Variants in CSMD2 observed in about 807,000 individuals in gnomAD.
CSMD2 encodes CUB and Sushi multiple domains 2.
In CSMD2, 130 loss-of-function variants were observed where a neutral mutation model predicts 398.5. The ratio of observed to expected loss-of-function variants is 0.33; its 90% confidence interval spans 0.28 to 0.38. The LOEUF (loss-of-function observed/expected upper bound fraction) is 0.38. CSMD2 is among the 10% of genes least tolerant of loss of function. The pLI is 1.00. For synonymous variants in CSMD2, 1,828 were observed against 1,908.5 expected (o/e 0.96, Z 1.10); for missense variants, 3,829 against 4,764.9 (o/e 0.80, Z 5.78).
intron 7 of CSMD2, among the ~76,000 whole-genome samples, chr1:33,825,469 A>G (rs1658689163): frequency 1.3e-5 from 2 of 152,256 alleles, no homozygotes; most frequent in Admixed American, 6.5e-5. Context: ...GTGAGGGAGA[A>G]AGAGGACAAG....
chr1:33,794,099 G>C (rs1032437278), intron 10 of CSMD2, among the ~76,000 whole-genome samples: 2 of 152,270 alleles, frequency 1.3e-5, no homozygotes, highest in African/African-American at 4.8e-5. Flanking sequence ...GCCTTCTGCA[G>C]GTTTCCTCCA....
chr1:33,799,399 A>G (rs558857209), intron 10 of CSMD2, among the ~76,000 whole-genome samples: 3 of 152,342 alleles, frequency 2.0e-5, no homozygotes, highest in African/African-American at 7.2e-5. Flanking sequence ...CAAGGGTGGA[A>G]GAGGAGCCAG....
rs1653778338 is a variant in CSMD2 at position 33,516,513 on chromosome 1, A to T, written c.*111T>A. Reference sequence around the variant, plus strand: ...GTAGCAGACACAGGCAAGGAGACGAACGAAGATGGGCACTGGGCACTGTGC... The same window carrying T: ...GTAGCAGACACAGGCAAGGAGACGATCGAAGATGGGCACTGGGCACTGTGC... On this transcript the variant is annotated 3_prime_UTR_variant, in exon 71 of 71. Coordinates refer to ENST00000373381, the MANE Select transcript of CSMD2 (RefSeq NM_001281956.2). The T allele has an allele frequency of 6.6e-6, 1 of 152,476 alleles. No homozygotes were observed. The highest frequency in any genetic ancestry group is 2.1e-4 in the South Asian group (1 of 4,832). 9.4% of individuals were successfully genotyped at this position (152,476 alleles called of 1,614,324 possible).
chr1:33,848,476 C>A (rs1041830055), intron 5 of CSMD2, among the ~76,000 whole-genome samples: 1 of 152,190 alleles, frequency 6.6e-6, no homozygotes, highest in Non-Finnish European at 1.5e-5. Flanking sequence ...AGAGAGCATA[C>A]TGATGCAGCC....
At chr1:34,139,211 G>T (rs1255479903) in intron 1 of CSMD2, among the ~76,000 whole-genome samples, 1 of 152,198 alleles carries the variant, frequency 6.6e-6, no homozygotes, top group East Asian at 1.9e-4. Flanking sequence ...TCCATTCATA[G>T]ATTAACGGGG....
At position 33,570,011 on chromosome 1, in the gene CSMD2, C is replaced by T. The variant is rs1045413500; in HGVS notation, c.7958-464G>A. On this transcript the variant is annotated intron_variant, in intron 51 of 70. Transcript: ENST00000373381. ...CCTCTGGCTGATGTATGAGGTGAGG[C>T]CTAATCGCCAAGGCTGCACTGAAAT... 2.6e-5 allele frequency among the ~76,000 whole-genome samples: 4 copies of T among 152,300 alleles called. No individual in the cohort carries two copies. The East Asian group carries it at 5.8e-4, about 22-fold the overall frequency.
At chr1:34,105,739 A>T (rs1376940993) in intron 1 of CSMD2, among the ~76,000 whole-genome samples, 1 of 152,248 alleles carries the variant, frequency 6.6e-6, no homozygotes, top group Non-Finnish European at 1.5e-5. Context: ...TTAATGCATT[A>T]TTAATAAGAT....
At chr1:33,774,957 C>A (rs1323121081) in intron 12 of CSMD2, among the ~76,000 whole-genome samples, 1 of 152,120 alleles carries the variant, frequency 6.6e-6, no homozygotes, top group East Asian at 1.9e-4. Context: ...TGGTCTCTGC[C>A]CTCAAGAAAT....
intron 1 of CSMD2, among the ~76,000 whole-genome samples, chr1:34,161,968 C>CA (rs1641366427): frequency 1.3e-5 from 2 of 151,678 alleles, no homozygotes; most frequent in African/African-American, 4.8e-5. Flanking sequence ...GTCAGGAGTT[C>CA]GAGACCAGCC....
intron 25 of CSMD2, among the ~76,000 whole-genome samples, chr1:33,677,304 A>G (rs1054244682): frequency 6.6e-6 from 1 of 152,268 alleles, no homozygotes; most frequent in African/African-American, 2.4e-5. Context: ...GGCAACGGAT[A>G]TGAACAGATA....
chr1:33,621,916 G>A (rs1167481364), intron 37 of CSMD2, among the ~76,000 whole-genome samples: 1 of 152,202 alleles, frequency 6.6e-6, no homozygotes, highest in African/African-American at 2.4e-5. Flanking sequence ...GCCAATGCAA[G>A]TCCCCTTCCC....
intron 24 of CSMD2, among the ~76,000 whole-genome samples, chr1:33,697,472 A>G (rs1424189758): frequency 6.6e-6 from 1 of 152,214 alleles, no homozygotes; most frequent in Non-Finnish European, 1.5e-5. Flanking sequence ...CAGAGGGTCC[A>G]CTTAGACCCT....
At position 33,918,230 on chromosome 1, in the gene CSMD2, A is replaced by T; in HGVS notation, c.784T>A (p.Tyr262Asn). 6.2e-7 allele frequency: 1 copy of T among 1,614,012 alleles called. No individual in the cohort carries two copies. The highest frequency in any genetic ancestry group is 8.5e-7 in the Non-Finnish European group (1 of 1,180,004). Residue 262 changes from tyrosine to asparagine, a missense_variant, in exon 5 of 71, where the codon TAC (tyrosine) becomes AAC (asparagine). Tyr to Asn is a moderately radical substitution (Grantham distance 143). Transcript: ENST00000373381. ...CATGTGCAGTCGGCATTGTTATGGTACTCCGAGGGGAAGTGGGGGCTGGAG... is the reference window on the plus strand; with the variant it reads ...CATGTGCAGTCGGCATTGTTATGGTTCTCCGAGGGGAAGTGGGGGCTGGAG... ...IISSPHFPSE[Y>N]HNNADCTWTI...
At chr1:33,526,407 T>C (rs933019003) in intron 65 of CSMD2, among the ~76,000 whole-genome samples, 2 of 152,254 alleles carry the variant, frequency 1.3e-5, no homozygotes, top group Non-Finnish European at 2.9e-5. Flanking sequence ...CCTGTATTCC[T>C]ATACATGGTG....
At chr1:34,045,505 C>T (rs1652416907) in intron 2 of CSMD2, among the ~76,000 whole-genome samples, 1 of 152,200 alleles carries the variant, frequency 6.6e-6, no homozygotes, top group Non-Finnish European at 1.5e-5. Context: ...AATGTCCCTG[C>T]CTCTCCAGAA....
At chr1:33,990,495 A>G (rs1338038055) in intron 3 of CSMD2, among the ~76,000 whole-genome samples, 1 of 152,070 alleles carries the variant, frequency 6.6e-6, no homozygotes, top group Admixed American at 6.6e-5. Flanking sequence ...CCCTCACCCC[A>G]CACTTTCTGC....
intron 2 of CSMD2, among the ~76,000 whole-genome samples, chr1:34,074,952 A>C (rs1483944380): frequency 6.6e-6 from 1 of 152,222 alleles, no homozygotes; most frequent in Non-Finnish European, 1.5e-5. Context: ...ATCTCCCCCA[A>C]GGCGAGGTCA....
intron 1 of CSMD2, among the ~76,000 whole-genome samples, chr1:34,161,203 T>A (rs1641297223): frequency 6.6e-6 from 1 of 152,200 alleles, no homozygotes; most frequent in South Asian, 2.1e-4. Context: ...AGAAAGAAGC[T>A]AATAAGATTG....
At chr1:33,690,086 C>A (rs1195298510) in intron 25 of CSMD2, among the ~76,000 whole-genome samples, 1 of 152,158 alleles carries the variant, frequency 6.6e-6, no homozygotes, top group African/African-American at 2.4e-5. Context: ...CCGTCCCACT[C>A]CGCCCATTCT....
Sources: gnomAD v4.1 joint callset for allele counts (sites outside exome capture counted in the v4.1 genomes callset) on GRCh38, gnomAD v4.1.1 for gene constraint, MANE v1.5 for transcripts, NCBI Gene and HGNC (gene_info 2026-07-23, HGNC 2026-07-21) for gene names.